Variants in SPAG9 observed in about 807,000 individuals in gnomAD.
The protein encoded by SPAG9 is sperm associated antigen 9.
A neutral mutation model predicts 166.5 loss-of-function variants in SPAG9; 35 were observed. The observed-to-expected ratio is 0.21, with a 90% CI of 0.16 to 0.28. SPAG9 has a LOEUF of 0.28. Ranked by LOEUF, SPAG9 falls within the 10% of genes least tolerant of loss-of-function variation. The pLI is 1.00. For synonymous variants in SPAG9, 534 were observed against 565.5 expected (o/e 0.94, Z 0.79); for missense variants, 1,235 against 1,603.3 (o/e 0.77, Z 3.92).
At chr17:51,067,039 A>G (rs912143890) in intron 2 of SPAG9, among the ~76,000 whole-genome samples, 10 of 152,202 alleles carry the variant, frequency 6.6e-5, no homozygotes, top group African/African-American at 2.4e-4. Context: ...TTCTTTACAT[A>G]TACTGTGATC....
At chr17:51,016,527 T>C (rs2045704186) in intron 8 of SPAG9, among the ~76,000 whole-genome samples, 1 of 152,220 alleles carries the variant, frequency 6.6e-6, no homozygotes, top group Non-Finnish European at 1.5e-5. Context: ...TGTCTGCCAG[T>C]GATTTAGTAA....
chr17:51,046,044 T>G (rs1423639257), intron 4 of SPAG9, among the ~76,000 whole-genome samples: 2 of 152,160 alleles, frequency 1.3e-5, no homozygotes, highest in Admixed American at 1.3e-4. Flanking sequence ...TATCAAAAAT[T>G]ACAAAAATGA....
At chr17:50,975,487 T>C (rs1974143936) in intron 27 of SPAG9, 2 of 250,540 alleles carry the variant, frequency 8.0e-6, no homozygotes, top group Admixed American at 5.1e-5. Flanking sequence ...TGCTGCGTAC[T>C]GTAAAAGACC....
At chr17:51,034,326 G>C (rs1433277644) in intron 5 of SPAG9, among the ~76,000 whole-genome samples, 1 of 152,178 alleles carries the variant, frequency 6.6e-6, no homozygotes, top group Non-Finnish European at 1.5e-5. Context: ...ATAATGCCTA[G>C]ATCTTGGTTC....
intron 3 of SPAG9, among the ~76,000 whole-genome samples, chr17:51,055,317 C>A (rs2047332610): frequency 6.6e-6 from 1 of 152,034 alleles, no homozygotes; most frequent in South Asian, 2.1e-4. Context: ...TGCGCCACTG[C>A]ACTACAGCTT....
At chr17:51,022,620 AGCC>A (rs1318673355) in intron 6 of SPAG9, among the ~76,000 whole-genome samples, 2 of 149,572 alleles carry the variant, frequency 1.3e-5, no homozygotes. Flanking sequence ...AAAAGTTTAC[AGCC>A]ACCACCACTA....
At chr17:50,968,035 G>A (rs1397608433) in intron 29 of SPAG9, among the ~76,000 whole-genome samples, 3 of 152,114 alleles carry the variant, frequency 2.0e-5, no homozygotes, top group Non-Finnish European at 4.4e-5. Flanking sequence ...CTGACATACT[G>A]CACTCCAACA....
At chr17:50,996,356 C>A in intron 16 of SPAG9, 1 of 558,470 alleles carries the variant, frequency 1.8e-6, no homozygotes, top group Admixed American at 3.3e-5. Context: ...TGACTCCTCC[C>A]CCCCTCACAG....
Position 50,970,872 on chromosome 17 carries a change from A to T in SPAG9, c.3701-16T>A. On this transcript the variant is annotated splice_polypyrimidine_tract_variant and intron_variant, in intron 28 of 29. Coordinates refer to ENST00000262013, the MANE Select transcript of SPAG9 (RefSeq NM_001130528.3). ...ATGACTTGACCTGTTTTATACAGAA[A>T]CAAAAGTGAATATTACTTATCACAG... 6.2e-7 allele frequency: 1 copy of T among 1,608,490 alleles called. No individual in the cohort carries two copies. Among genetic ancestry groups the T allele is most frequent in the South Asian group, 1.1e-5 (1 of 90,512 alleles).
In SPAG9 at chr17:50,995,538, T is replaced by C. The variant is rs566360585; in HGVS notation, c.1969-5A>G. On this transcript the variant is annotated splice_region_variant and splice_polypyrimidine_tract_variant and intron_variant, in intron 16 of 29. Coordinates refer to ENST00000262013, the MANE Select transcript of SPAG9 (RefSeq NM_001130528.3). ...TTCACCTTGACCATTGGTTACCTAA[T>C]AATGGTGGAAGGAGGAGTGAAAAAG... 1.3e-5 allele frequency: 20 copies of C among 1,579,258 alleles called. No homozygotes were observed. Among genetic ancestry groups the C allele is most frequent in the Middle Eastern group, 1.7e-4 (1 of 6,030 alleles).
At chr17:51,029,373 T>G (rs1296705525) in intron 6 of SPAG9, among the ~76,000 whole-genome samples, 1 of 152,142 alleles carries the variant, frequency 6.6e-6, no homozygotes, top group African/African-American at 2.4e-5. Flanking sequence ...GATTGTAAAA[T>G]GATGCAACCA....
At chr17:51,037,735 T>TA (rs1021315404) in intron 5 of SPAG9, among the ~76,000 whole-genome samples, 2 of 144,180 alleles carry the variant, frequency 1.4e-5, no homozygotes, top group African/African-American at 2.5e-5. Context: ...AACATTTTTT[T>TA]AAAAAAAGGA....
At position 51,074,285 on chromosome 17, in the gene SPAG9, C is replaced by A. The variant is rs140638225; in HGVS notation, c.424+5299G>T. Among the ~76,000 whole-genome samples, 195 of 152,056 alleles carry A rather than the reference C, an allele frequency of 1.3e-3. 1 individual carries two copies. Among genetic ancestry groups the A allele is most frequent in the African/African-American group, 4.5e-3 (186 of 41,484 alleles). On this transcript the variant is annotated intron_variant, in intron 2 of 29. Transcript: ENST00000262013. ...AAAAAAAACACAAAAATTAGCCAAGCATGGTGGTGCACGCCTGTAATCCCA... is the reference window on the plus strand; with the variant it reads ...AAAAAAAACACAAAAATTAGCCAAGAATGGTGGTGCACGCCTGTAATCCCA...
intron 27 of SPAG9, chr17:50,975,289 AAACT>A (rs2143643334): frequency 4.1e-6 from 1 of 244,804 alleles, no homozygotes; most frequent in African/African-American, 2.3e-5. Context: ...ACATGTTAGA[AAACT>A]AACCATTATA....
chr17:50,998,457 A>T lies in SPAG9; in HGVS notation c.1825T>A (p.Phe609Ile). 6.2e-7 allele frequency: 1 copy of T among 1,613,438 alleles called. No homozygotes were observed. Among genetic ancestry groups the T allele is most frequent in the Non-Finnish European group, 8.5e-7 (1 of 1,179,746 alleles). ...LPGDKSKAFD[F>I]LSEETEASLA... ...GAAAAGACTTACTCTTCACTAAGGAAATCAAAGGCTTTGGACTTATCCCCA... is the reference window on the plus strand; with the variant it reads ...GAAAAGACTTACTCTTCACTAAGGATATCAAAGGCTTTGGACTTATCCCCA... Residue 609 changes from phenylalanine (F) to isoleucine (I), a missense_variant, in exon 15 of 30, where the codon TTC becomes ATC. Around this residue, in one of 6 missense-constraint regions of SPAG9, gnomAD observed 493 missense variants for 559.4 expected, o/e 0.88. Coordinates refer to ENST00000262013, the MANE Select transcript of SPAG9 (RefSeq NM_001130528.3).
intron 28 of SPAG9, among the ~76,000 whole-genome samples, chr17:50,973,295 C>G (rs1973961171): frequency 6.6e-6 from 1 of 151,916 alleles, no homozygotes; most frequent in Non-Finnish European, 1.5e-5. Flanking sequence ...TAGTGGTTAC[C>G]AATGGAGAGG....
intron 1 of SPAG9, among the ~76,000 whole-genome samples, chr17:51,098,588 G>A (rs187533719): frequency 9.5e-4 from 144 of 152,050 alleles, no homozygotes; most frequent in Non-Finnish European, 1.5e-3. Context: ...TGCCTCCAGG[G>A]TTCAACCGAT....
chr17:51,098,133 T>C (rs897237751), intron 1 of SPAG9, among the ~76,000 whole-genome samples: 1 of 151,506 alleles, frequency 6.6e-6, no homozygotes, highest in Admixed American at 6.6e-5. Context: ...CTACCCCACA[T>C]ATTTGGTCAC....
intron 27 of SPAG9, chr17:50,975,497 C>G (rs1974145328): frequency 1.2e-5 from 3 of 257,254 alleles, no homozygotes; most frequent in Middle Eastern, 1.5e-3. Flanking sequence ...TGTAAAAGAC[C>G]AGACTCACAA....
Sources: gnomAD v4.1 joint callset for allele counts (sites outside exome capture counted in the v4.1 genomes callset) on GRCh38, gnomAD v4.1.1 for gene constraint, gnomAD v4.1.1 regional missense constraint, MANE v1.5 for transcripts, NCBI Gene and HGNC (gene_info 2026-07-23, HGNC 2026-07-21) for gene names.